The following EVL variants were observed in gnomAD, a reference collection of about 807,000 sequenced individuals.
The protein encoded by EVL is Enah/Vasp-like.
EVL carries 21 observed loss-of-function variants against 59.6 expected under a neutral mutation model. The ratio of observed to expected loss-of-function variants is 0.35; its 90% CI spans 0.25 to 0.51. EVL has a LOEUF of 0.51. EVL is among the 20% of genes least tolerant of loss of function. The pLI is 0.97. For missense variants in EVL, 462 were observed against 546.6 expected (o/e 0.85, Z 1.54); for synonymous variants, 198 against 203.5 (o/e 0.97, Z 0.23).
At chr14:100,083,667 G>A (rs191241101) in intron 1 of EVL, among the ~76,000 whole-genome samples, 17 of 152,274 alleles carry the variant, frequency 1.1e-4, no homozygotes, top group African/African-American at 2.9e-4. Flanking sequence ...TTGAACAAAT[G>A]AGGTTGCTTT....
intron 11 of EVL, 30 bp downstream of exon 11, chr14:100,137,832 C>T: frequency 6.2e-7 from 1 of 1,610,806 alleles, no homozygotes; most frequent in Non-Finnish European, 8.5e-7. Flanking sequence ...CTCACATGTC[C>T]CCCAGGGTTT....
chr14:100,094,585 A>G (rs1216746079), intron 2 of EVL, among the ~76,000 whole-genome samples: 2 of 151,742 alleles, frequency 1.3e-5, no homozygotes, highest in Non-Finnish European at 2.9e-5. Context: ...TACTTTAAAA[A>G]AAAAAAAATT....
chr14:100,086,387 G>T (rs1047137963), intron 2 of EVL, among the ~76,000 whole-genome samples: 2 of 152,160 alleles, frequency 1.3e-5, no homozygotes, highest in African/African-American at 4.8e-5. Flanking sequence ...TAGTGGTTGG[G>T]GCTTGTGAGG....
chr14:100,080,115 T>C (rs2062262982), intron 1 of EVL, among the ~76,000 whole-genome samples: 1 of 151,822 alleles, frequency 6.6e-6, no homozygotes. Flanking sequence ...TCAAAAATGG[T>C]CTATGATATA....
intron 2 of EVL, among the ~76,000 whole-genome samples, chr14:100,092,308 G>T (rs1374471905): frequency 6.6e-6 from 1 of 152,134 alleles, no homozygotes; most frequent in Non-Finnish European, 1.5e-5. Context: ...AAGTACATAT[G>T]TCCACTAAAA....
At chr14:100,138,565 T>A (rs1888955401) in intron 11 of EVL, 1 of 152,596 alleles carries the variant, frequency 6.6e-6, no homozygotes, top group Admixed American at 6.5e-5. Context: ...AAACTGGCCT[T>A]GCAGAGCTGA....
intron 1 of EVL, among the ~76,000 whole-genome samples, chr14:100,037,650 A>T (rs1172795670): frequency 6.6e-6 from 1 of 152,214 alleles, no homozygotes; most frequent in African/African-American, 2.4e-5. Context: ...GAACCAAAAA[A>T]GTTCCTTAGG....
intron 1 of EVL, among the ~76,000 whole-genome samples, chr14:99,992,833 C>T (rs1443981912): frequency 6.6e-6 from 1 of 152,018 alleles, no homozygotes; most frequent in African/African-American, 2.4e-5. Flanking sequence ...TGAGCTTTTC[C>T]TATCTGGCTT....
chr14:100,065,574 G>A lies in EVL; in HGVS notation c.11+63G>A, dbSNP rs1236217715. 5 of 1,012,686 alleles carry A rather than the reference G, an allele frequency of 4.9e-6. No individual in the cohort carries two copies. In the Admixed American group the frequency reaches 8.7e-5, roughly 18 times the overall value. 62.7% of individuals were successfully genotyped at this position (1,012,686 alleles called of 1,614,324 possible). On this transcript the variant is annotated intron_variant, in intron 1 of 13. Coordinates refer to ENST00000392920, the MANE Select transcript of EVL (RefSeq NM_016337.3). ...CAAGAGGAAACCTAGAATCTTAACG[G>A]TGAATGGGCTGTAGAAATTATCTCA...
At chr14:99,994,775 A>G (rs914465869) in intron 1 of EVL, among the ~76,000 whole-genome samples, 1 of 152,044 alleles carries the variant, frequency 6.6e-6, no homozygotes, top group Non-Finnish European at 1.5e-5. Context: ...TCATGATGCT[A>G]TTTAACATCT....
At chr14:100,072,858 G>GCGT (rs1384693007) in intron 1 of EVL, among the ~76,000 whole-genome samples, 3 of 152,212 alleles carry the variant, frequency 2.0e-5, no homozygotes, top group Non-Finnish European at 2.9e-5. Flanking sequence ...GGGTTTTGCT[G>GCGT]CGTCGCCAGG....
intron 4 of EVL, among the ~76,000 whole-genome samples, chr14:100,124,133 A>G (rs1049644789): frequency 1.3e-5 from 2 of 152,248 alleles, no homozygotes; most frequent in Admixed American, 1.3e-4. Context: ...TCCCAAGGTC[A>G]CATTGCTCTG....
chr14:100,014,158 T>C (rs1246002471), intron 1 of EVL, among the ~76,000 whole-genome samples: 1 of 152,192 alleles, frequency 6.6e-6, no homozygotes, highest in Non-Finnish European at 1.5e-5. Context: ...TTTTAATAGA[T>C]AAAATATGAT....
At chr14:100,099,742 T>TA (rs1886076365) in intron 3 of EVL, among the ~76,000 whole-genome samples, 2 of 145,598 alleles carry the variant, frequency 1.4e-5, no homozygotes, top group Non-Finnish European at 3.1e-5. Flanking sequence ...TTTTTTTTTT[T>TA]TAATTTTATT....
chr14:100,019,332 C>G (rs1282310737), intron 1 of EVL: 2 of 278,576 alleles, frequency 7.2e-6, no homozygotes, highest in Non-Finnish European at 1.3e-5. Flanking sequence ...CATGCTTTAC[C>G]CAGGATCCCA....
At chr14:100,028,134 G>GTTTTTTTTTTTT (rs137903594) in intron 1 of EVL, among the ~76,000 whole-genome samples, 2 of 118,736 alleles carry the variant, frequency 1.7e-5, no homozygotes, top group Non-Finnish European at 3.4e-5. Flanking sequence ...TTGTTTGTTT[G>GTTTTTTTTTTTT]TTTTTTTTTT....
chr14:100,032,514 G>A (rs1422274533), intron 1 of EVL, among the ~76,000 whole-genome samples: 1 of 152,164 alleles, frequency 6.6e-6, no homozygotes, highest in African/African-American at 2.4e-5. Flanking sequence ...ATAAAATTCT[G>A]TCCATTGCCA....
intron 1 of EVL, among the ~76,000 whole-genome samples, chr14:100,072,934 G>A (rs1328665806): frequency 6.6e-6 from 1 of 152,240 alleles, no homozygotes; most frequent in Non-Finnish European, 1.5e-5. Flanking sequence ...CTCTGCCGCG[G>A]ATCAGCCATG....
intron 4 of EVL, among the ~76,000 whole-genome samples, chr14:100,123,854 A>G (rs1278165297): frequency 6.6e-6 from 1 of 152,204 alleles, no homozygotes; most frequent in African/African-American, 2.4e-5. Context: ...GCTGACCTCC[A>G]GCGGGACGGC....
Sources: allele counts gnomAD v4.1 joint callset (sites outside exome capture counted in the v4.1 genomes callset), GRCh38; gene constraint gnomAD v4.1.1; transcripts MANE v1.5; gene names NCBI Gene and HGNC (gene_info 2026-07-23, HGNC 2026-07-21).